CLC: variants seen among roughly 807,000 people sequenced by gnomAD.
CLC encodes the protein galectin-10.
Under a neutral mutation model 13.9 loss-of-function variants are expected in CLC, and 15 were observed. The ratio of observed to expected loss-of-function variants is 1.08; its 90% CI spans 0.72 to 1.66. The LOEUF is 1.66. CLC is among the 40% of genes most tolerant of loss of function. CLC has a pLI of 0.00. For missense variants in CLC, 161 were observed against 169.1 expected, an observed-to-expected ratio of 0.95 and a Z score of 0.27; for synonymous variants, 68 against 59.9, an observed-to-expected ratio of 1.14 and a Z score of -0.63.
At position 39,735,087 on chromosome 19, in the gene CLC, G is replaced by A. The variant is rs1233506619; in HGVS notation, c.16-14C>T. On this transcript the variant is annotated splice_polypyrimidine_tract_variant and intron_variant, in intron 1 of 3. Coordinates refer to ENST00000221804, the MANE Select transcript of CLC (RefSeq NM_001828.6). ...TGTGTATGGCACCTGCCAGGGGATT[G>A]AGAGTGGGTGAGAGAGGCAGGGCCA... The A allele has an allele frequency of 6.3e-7, 1 of 1,599,098 alleles. No homozygotes were observed. Among genetic ancestry groups the A allele is most frequent in the South Asian group, 1.1e-5 (1 of 90,776 alleles).
chr19:39,737,792 A>G (rs1331987537), intron 1 of CLC, 146 bp downstream of exon 1: 10 of 789,666 alleles, frequency 1.3e-5, no homozygotes, highest in Non-Finnish European at 2.0e-5. Flanking sequence ...CTCAGATACC[A>G]TAGCCCTAGG....
intron 1 of CLC, 43 bp from the exon 2 acceptor site, chr19:39,735,116 G>T: frequency 7.1e-7 from 1 of 1,407,188 alleles, no homozygotes; most frequent in Non-Finnish European, 1.0e-6. Flanking sequence ...AGGGCCAGGT[G>T]TGGCCTCCCC....
chr19:39,735,517 T>C (rs910161828), intron 1 of CLC, among the ~76,000 whole-genome samples: 5 of 152,166 alleles, frequency 3.3e-5, no homozygotes, highest in Non-Finnish European at 7.3e-5. Context: ...GGTTTCACGA[T>C]GTTGCCCAGG....
chr19:39,733,852 GGACT>G lies in CLC; in HGVS notation c.303+427_303+430del, dbSNP rs1967265219. 15 of 776,614 alleles carry G rather than the reference GGACT, an allele frequency of 1.9e-5. No homozygotes were observed. The South Asian group carries it at 6.5e-4, about 34-fold the overall frequency. 48.1% of individuals were successfully genotyped at this position (776,614 alleles called of 1,614,324 possible). On this transcript the variant is annotated intron_variant, in intron 3 of 3. Transcript: ENST00000221804. ...TTGAGGAGTGAGAAGTCTTCATATT[GGACT>G]GACTAAAACAATTTTATTCATGTGT...
intron 3 of CLC, chr19:39,733,821 T>C (rs1291634260): frequency 3.3e-5 from 12 of 360,398 alleles, no homozygotes; most frequent in East Asian, 1.7e-4. Flanking sequence ...GTTCTGAGGA[T>C]TGGGATTGAG....
intron 1 of CLC, among the ~76,000 whole-genome samples, chr19:39,736,192 C>CAAAA (rs543173129): frequency 7.6e-6 from 1 of 131,944 alleles, no homozygotes; most frequent in Admixed American, 7.3e-5. Flanking sequence ...TTTTAACCAC[C>CAAAA]AAAAAAAAAA....
chr19:39,735,015 C>T lies in CLC; in HGVS notation c.74G>A (p.Arg25Gln), dbSNP rs772592119. The part of the protein sequence containing the change: ...STGSTVTIKG[R>Q]PLACFLNEPY... Reference sequence around the variant, plus strand: ...TACTCACAAGAAACAGGCAAGTGGTCGCCCTTTGATTGTCACAGTAGAACC... The same window carrying T: ...TACTCACAAGAAACAGGCAAGTGGTTGCCCTTTGATTGTCACAGTAGAACC... The change falls in exon 2 of 4, where the codon CGA becomes CAA. Residue 25 changes from arginine to glutamine, a missense_variant. Physicochemically the swap from Arg to Gln is conservative, Grantham distance 43. Transcript: ENST00000221804. 8.1e-6 allele frequency: 13 copies of T among 1,613,008 alleles called. No individual in the cohort carries two copies. Among genetic ancestry groups the T allele is most frequent in the South Asian group, 5.5e-5 (5 of 91,046 alleles).
chr19:39,732,790 C>A (rs577314887), intron 3 of CLC, among the ~76,000 whole-genome samples: 2 of 151,714 alleles, frequency 1.3e-5, no homozygotes, highest in African/African-American at 2.4e-5. Flanking sequence ...TGGTGTGAGA[C>A]GGTAAACGTT....
At chr19:39,737,363 G>A (rs1967329104) in intron 1 of CLC, among the ~76,000 whole-genome samples, 1 of 151,936 alleles carries the variant, frequency 6.6e-6, no homozygotes, top group South Asian at 2.1e-4. Context: ...GATCCACAGT[G>A]ATGCACAAGG....
At chr19:39,734,931 G>T (rs1289526811) in intron 2 of CLC, 66 bp downstream of exon 2, 2 of 1,226,822 alleles carry the variant, frequency 1.6e-6, no homozygotes, top group Non-Finnish European at 2.4e-6. Context: ...TCACACATGA[G>T]GTCACCCCCT....
Position 39,731,258 on chromosome 19 carries a change from A to C in CLC, c.*122T>G. The C allele has an allele frequency of 9.1e-7, 1 of 1,102,618 alleles. No individual in the cohort carries two copies. The highest frequency in any genetic ancestry group is 1.3e-6 in the Non-Finnish European group (1 of 749,086). The allele number at this position is 1,102,618 out of a possible 1,614,324, so 68.3% of individuals were successfully genotyped here. On this transcript the variant is annotated 3_prime_UTR_variant, in exon 4 of 4. Coordinates refer to ENST00000221804, the MANE Select transcript of CLC (RefSeq NM_001828.6). ...TGAAAGCAAGAACCAAATTCTGTGA[A>C]GTTTGATTAAGTTTTAATGAGCAGG...
At chr19:39,736,783 A>G (rs1967319913) in intron 1 of CLC, among the ~76,000 whole-genome samples, 1 of 152,070 alleles carries the variant, frequency 6.6e-6, no homozygotes, top group South Asian at 2.1e-4. Context: ...TCAAAAAAAA[A>G]AAAAAAAAAT....
chr19:39,738,024 T>G lies in CLC; in HGVS notation c.-72A>C. 2 of 1,496,652 alleles carry G rather than the reference T, an allele frequency of 1.3e-6. No homozygotes were observed. Among genetic ancestry groups the G allele is most frequent in the South Asian group, 1.1e-5 (1 of 86,966 alleles). 92.7% of individuals were successfully genotyped at this position (1,496,652 alleles called of 1,614,324 possible). On this transcript the variant is annotated 5_prime_UTR_variant, in exon 1 of 4. Transcript: ENST00000221804. ...GTGTGAATCTCTGAGCTGCAGAATTTAAATGGCCCCTATCAGCCCTGCCTC... is the reference window on the plus strand; with the variant it reads ...GTGTGAATCTCTGAGCTGCAGAATTGAAATGGCCCCTATCAGCCCTGCCTC...
intron 1 of CLC, 137 bp downstream of exon 1, chr19:39,737,794 AGCCCTAG>A: frequency 2.5e-6 from 2 of 787,004 alleles, no homozygotes; most frequent in Non-Finnish European, 4.1e-6. Flanking sequence ...CAGATACCAT[AGCCCTAG>A]GGTCTCTCTT....
intron 3 of CLC, 108 bp from the exon 4 acceptor site, chr19:39,731,613 C>T (rs1967227031): frequency 2.6e-6 from 3 of 1,165,800 alleles, no homozygotes; most frequent in Non-Finnish European, 3.6e-6. Context: ...GAAAATGCCT[C>T]ATTATATATC....
chr19:39,734,176 T>C, intron 3 of CLC, 107 bp downstream of exon 3: 1 of 1,405,670 alleles, frequency 7.1e-7, no homozygotes, highest in South Asian at 1.4e-5. Flanking sequence ...TTGTGGGTGA[T>C]GAAAAGCCGG....
intron 3 of CLC, among the ~76,000 whole-genome samples, chr19:39,733,534 A>G (rs1290978333): frequency 6.6e-6 from 1 of 152,182 alleles, no homozygotes; most frequent in Non-Finnish European, 1.5e-5. Context: ...TTGGAAACCA[A>G]CTCAGTGCTC....
chr19:39,731,310 A>C lies in CLC; in HGVS notation c.*70T>G, dbSNP rs912884608. On this transcript the variant is annotated 3_prime_UTR_variant, in exon 4 of 4. Transcript: ENST00000221804. ...GTAAGGATTGAAGTGAGAAAAGATCATGCTGTTAGCTGGCTTTGGAATCCC... is the reference window on the plus strand; with the variant it reads ...GTAAGGATTGAAGTGAGAAAAGATCCTGCTGTTAGCTGGCTTTGGAATCCC... The C allele has an allele frequency of 3.2e-5, 47 of 1,490,746 alleles. No individual in the cohort carries two copies. The highest frequency in any genetic ancestry group is 2.3e-4 in the Middle Eastern group (1 of 4,272). 92.3% of individuals were successfully genotyped at this position (1,490,746 alleles called of 1,614,324 possible). A position where few individuals can be genotyped will look rare whatever the true frequency, so the allele number is the denominator to read the frequency against.
At chr19:39,733,127 AC>A (rs1967251510) in intron 3 of CLC, among the ~76,000 whole-genome samples, 1 of 148,420 alleles carries the variant, frequency 6.7e-6, no homozygotes, top group South Asian at 2.2e-4. Flanking sequence ...ACATGAACAG[AC>A]ACTTCTCAAA....
Sources: allele counts gnomAD v4.1 joint callset (sites outside exome capture counted in the v4.1 genomes callset), GRCh38; gene constraint gnomAD v4.1.1; transcripts MANE v1.5; gene names NCBI Gene and HGNC (gene_info 2026-07-23, HGNC 2026-07-21).